Variants in PARP4 observed in about 807,000 individuals in gnomAD.
PARP4 encodes protein mono-ADP-ribosyltransferase PARP4.
A neutral mutation model predicts 187.7 loss-of-function variants in PARP4; 120 were observed. That is an observed-to-expected ratio of 0.64 (90% CI 0.55 to 0.74). The LOEUF (loss-of-function observed/expected upper bound fraction) is 0.74, where lower values mean the gene tolerates loss of function less well. Ranked by LOEUF, PARP4 falls within the 30% of genes least tolerant of loss-of-function variation. The pLI, the probability that PARP4 is intolerant of heterozygous loss-of-function variation, is 0.00. For synonymous variants in PARP4, 654 were observed against 740.9 expected, an observed-to-expected ratio of 0.88 and a Z score of 1.90; for missense variants, 1,836 against 2,070.5, an observed-to-expected ratio of 0.89 and a Z score of 2.20.
At chr13:24,495,095 T>C (rs1457845760) in intron 6 of PARP4, among the ~76,000 whole-genome samples, 4 of 152,138 alleles carry the variant, frequency 2.6e-5, no homozygotes, top group African/African-American at 4.8e-5. Flanking sequence ...CTTGAATAAC[T>C]CTTGACCTCA....
intron 12 of PARP4, among the ~76,000 whole-genome samples, chr13:24,479,502 T>C (rs931999722): frequency 6.6e-5 from 10 of 152,164 alleles, no homozygotes; most frequent in Non-Finnish European, 1.3e-4. Context: ...AACACACCAA[T>C]CAGCACCCTG....
intron 1 of PARP4, among the ~76,000 whole-genome samples, chr13:24,506,908 G>A (rs1320086372): frequency 6.6e-6 from 1 of 152,226 alleles, no homozygotes; most frequent in Non-Finnish European, 1.5e-5. Flanking sequence ...AACTGAGGCG[G>A]GAGAGCTCAG....
chr13:24,479,631 A>G (rs1161651937), intron 12 of PARP4, among the ~76,000 whole-genome samples: 1 of 152,136 alleles, frequency 6.6e-6, no homozygotes, highest in African/African-American at 2.4e-5. Flanking sequence ...GGGGAGGTGG[A>G]GAACCTTTGT....
intron 24 of PARP4, among the ~76,000 whole-genome samples, chr13:24,450,609 C>T (rs999231990): frequency 6.6e-5 from 10 of 152,010 alleles, no homozygotes; most frequent in African/African-American, 1.4e-4. Context: ...TCCTTCAGGG[C>T]GGCTCTCAGA....
At chr13:24,507,158 C>G (rs565122432) in intron 1 of PARP4, among the ~76,000 whole-genome samples, 1 of 152,220 alleles carries the variant, frequency 6.6e-6, no homozygotes, top group Admixed American at 6.5e-5. Flanking sequence ...GCAAGCGCCG[C>G]GCACAGCCCC....
chr13:24,446,473 C>CT (rs1162269654), intron 27 of PARP4, among the ~76,000 whole-genome samples: 3 of 152,110 alleles, frequency 2.0e-5, no homozygotes, highest in African/African-American at 7.2e-5. Context: ...ATAAAATACA[C>CT]TAACACTAAC....
intron 30 of PARP4, among the ~76,000 whole-genome samples, chr13:24,441,411 T>G (rs1482946433): frequency 6.6e-6 from 1 of 152,258 alleles, no homozygotes; most frequent in East Asian, 1.9e-4. Context: ...CTTCCAATTT[T>G]TATTTAAGCC....
chr13:24,506,681 T>C (rs1869706518), intron 1 of PARP4, among the ~76,000 whole-genome samples: 1 of 152,218 alleles, frequency 6.6e-6, no homozygotes, highest in African/African-American at 2.4e-5. Flanking sequence ...GAGTGCTGAC[T>C]GGTGTATTGA....
intron 14 of PARP4, among the ~76,000 whole-genome samples, chr13:24,477,312 T>C (rs1188422422): frequency 6.6e-6 from 1 of 151,654 alleles, no homozygotes; most frequent in Non-Finnish European, 1.5e-5. Flanking sequence ...AGAATTTGTC[T>C]CTAAAAAAAA....
rs769079004 is a variant in PARP4 at position 24,435,477 on chromosome 13, G to A, written c.3667-3C>T. ...CACTCAGAGGATGCTAAAAGAGACT[G>A]CCCAGAAGACAGAATTATTAACGTA... is the stretch of plus-strand genomic sequence containing the variant. On this transcript the variant is annotated splice_polypyrimidine_tract_variant and splice_region_variant and intron_variant, in intron 30 of 33. Transcript: ENST00000381989. 3 of 1,566,110 alleles carry A rather than the reference G, an allele frequency of 1.9e-6. No homozygotes were observed. The highest frequency in any genetic ancestry group is 2.4e-5 in the South Asian group (2 of 83,532).
chr13:24,429,012 AT>A (rs141291849), intron 32 of PARP4, among the ~76,000 whole-genome samples: 5 of 151,340 alleles, frequency 3.3e-5, no homozygotes, highest in South Asian at 2.1e-4. Context: ...TTTTCATTCT[AT>A]TTTTTTTCTT....
At position 24,434,789 on chromosome 13, in the gene PARP4, A is replaced by G. The variant is rs753758766; in HGVS notation, c.4352T>C (p.Phe1451Ser). Residue 1451 changes from phenylalanine to serine, a missense_variant, in exon 31 of 34, where the codon TTT becomes TCT. Around this residue, in one of 8 missense-constraint regions of PARP4, gnomAD observed 450 missense variants for 439.2 expected, o/e 1.02. Coordinates refer to ENST00000381989, the MANE Select transcript of PARP4 (RefSeq NM_006437.4). The stretch of plus-strand genomic sequence containing the variant: ...GGAAGCAGAGGGATGATAAGACCCA[A>G]AACCTCTGATGGGATCAGGGTCTGT... ...LPTDPDPIRG[F>S]GSYHPSASSP... 3 of 1,612,480 alleles carry G rather than the reference A, an allele frequency of 1.9e-6. No homozygotes were observed. The African/African-American group carries it at 4.0e-5, about 22-fold the overall frequency.
At chr13:24,490,172 G>A (rs1267728447) in intron 10 of PARP4, among the ~76,000 whole-genome samples, 1 of 152,130 alleles carries the variant, frequency 6.6e-6, no homozygotes, top group Non-Finnish European at 1.5e-5. Flanking sequence ...CTGAGCAGGT[G>A]GTCCATCATG....
chr13:24,494,196 A>T (rs1868816906), intron 7 of PARP4, among the ~76,000 whole-genome samples: 1 of 152,062 alleles, frequency 6.6e-6, no homozygotes, highest in Non-Finnish European at 1.5e-5. Flanking sequence ...TTCCCTCCTG[A>T]CATTTATTTA....
chr13:24,465,242 G>A (rs181002374), intron 17 of PARP4, among the ~76,000 whole-genome samples: 95 of 152,260 alleles, frequency 6.2e-4, no homozygotes, highest in African/African-American at 2.2e-3. Context: ...CTTCCTCAAA[G>A]ACCTAGAACC....
Position 24,454,402 on chromosome 13 carries a change from A to G in PARP4, c.2758+615T>C, listed in dbSNP as rs547345258. Among the ~76,000 whole-genome samples, 501 of 152,272 alleles carry G rather than the reference A, an allele frequency of 3.3e-3. 4 individuals are homozygous for G. Among genetic ancestry groups the G allele is most frequent in the African/African-American group, 0.01 (436 of 41,566 alleles). ...TGCACAGAGGATGAGAATCAATAGG[A>G]TAAGACTGTCCCCTCACTCCACTCC... On this transcript the variant is annotated intron_variant, in intron 22 of 33. Transcript: ENST00000381989.
At chr13:24,499,190 T>C (rs1869130482) in intron 5 of PARP4, 111 bp downstream of exon 5, 1 of 1,125,700 alleles carries the variant, frequency 8.9e-7, no homozygotes, top group Non-Finnish European at 1.2e-6. Flanking sequence ...ATTCAGGATA[T>C]GCATAATTTT....
In PARP4 at chr13:24,459,125, A is replaced by G. The variant is rs1350763458; in HGVS notation, c.2346-3T>C. On this transcript the variant is annotated splice_region_variant and splice_polypyrimidine_tract_variant and intron_variant, in intron 19 of 33. Coordinates refer to ENST00000381989, the MANE Select transcript of PARP4 (RefSeq NM_006437.4). Reference sequence around the variant, plus strand: ...CAATAGACATAGTCAAAGAGAAGCTAGCAAAAATGAAGAGAAAGTTGTCTT... The same window carrying G: ...CAATAGACATAGTCAAAGAGAAGCTGGCAAAAATGAAGAGAAAGTTGTCTT... The G allele has an allele frequency of 1.2e-6, 2 of 1,601,886 alleles. No homozygotes were observed. The highest frequency in any genetic ancestry group is 2.2e-5 in the East Asian group (1 of 44,782).
At chr13:24,459,532 TACACACACACACACGCACACAC>T (rs1872079634) in intron 18 of PARP4, 1 of 311,232 alleles carries the variant, frequency 3.2e-6, no homozygotes. Flanking sequence ...TCTGTGTGTA[TACACACACACACACGCACACAC>T]ACACACACAC....
Sources: gnomAD v4.1 joint callset for allele counts (sites outside exome capture counted in the v4.1 genomes callset) on GRCh38, gnomAD v4.1.1 for gene constraint, gnomAD v4.1.1 regional missense constraint, MANE v1.5 for transcripts, NCBI Gene and HGNC (gene_info 2026-07-23, HGNC 2026-07-21) for gene names.